Variants in C1QTNF5 observed in about 807,000 individuals in gnomAD.
The protein encoded by C1QTNF5 is C1q and TNF related 5, also known as complement C1q tumor necrosis factor-related protein 5.
C1QTNF5 carries 5 observed loss-of-function variants against 10.9 expected under a neutral mutation model. That is an observed-to-expected ratio of 0.46 (90% CI 0.24 to 0.97). The LOEUF (loss-of-function observed/expected upper bound fraction) is 0.97, where lower values mean the gene tolerates loss of function less well. Among genes scored for constraint, C1QTNF5 ranks in the 50% least tolerant of loss-of-function variants. The probability of loss-of-function intolerance (pLI) is 0.19; values close to 1 mark genes in which losing one functional copy is unlikely to be tolerated. For missense variants in C1QTNF5, 281 were observed against 339.4 expected, an observed-to-expected ratio of 0.83 and a Z score of 1.35; for synonymous variants, 161 against 156.5, an observed-to-expected ratio of 1.03 and a Z score of -0.22.
chr11:119,346,604 G>A, the C1QTNF5 span: 33 of 1,310,256 alleles, frequency 2.5e-5, no homozygotes, highest in Non-Finnish European at 3.6e-5. Flanking sequence ...CCTGTCAGAG[G>A]GGCAGCCTCT....
At chr11:119,341,284 GGCC>G, upstream of C1QTNF5, 1 of 539,798 alleles carries the variant, frequency 1.9e-6, no homozygotes, top group East Asian at 3.1e-5. Context: ...AAGGGGAAGA[GGCC>G]TGGATGGGAA....
chr11:119,343,834 G>A (rs886047831), upstream of C1QTNF5: 2 of 1,613,912 alleles, frequency 1.2e-6, no homozygotes, highest in South Asian at 1.1e-5. Flanking sequence ...GAGGCTGAAG[G>A]CCCCTGAGCT....
chr11:119,346,478 C>T, the C1QTNF5 span: 2 of 1,614,140 alleles, frequency 1.2e-6, no homozygotes, highest in Non-Finnish European at 1.7e-6. Context: ...ATTCTGTTGC[C>T]TCCATGCAGA....
In C1QTNF5 at chr11:119,339,773, T is replaced by G. The variant is rs1255593450; in HGVS notation, c.290A>C (p.Glu97Ala). ...GGCGGATCGCGGAGGCACCGAGCAC[T>G]CCCCGGCAGGCCCGGTGGGCCCCGC... The part of the protein sequence containing the change: ...GPAGPTGPAG[E>A]CSVPPRSAFS... The change falls in exon 3 of 3, where the codon GAG becomes GCG. Residue 97 changes from glutamate to alanine, a missense_variant. Coordinates refer to ENST00000528368, the MANE Select transcript of C1QTNF5 (RefSeq NM_001278431.2). The surrounding 1 kb of genome is among the most constrained non-coding windows in gnomAD (Gnocchi z 5.4). The G allele has an allele frequency of 6.4e-7, 1 of 1,558,594 alleles. No homozygotes were observed. Among genetic ancestry groups the G allele is most frequent in the East Asian group, 2.3e-5 (1 of 42,692 alleles).
chr11:119,344,969 G>A (rs769054629), upstream of C1QTNF5: 9 of 1,608,454 alleles, frequency 5.6e-6, no homozygotes, highest in Non-Finnish European at 7.6e-6. Context: ...GCTGGCATTG[G>A]TGTTGAGCGT....
chr11:119,341,377 G>A, upstream of C1QTNF5: 1 of 617,374 alleles, frequency 1.6e-6, no homozygotes, highest in Non-Finnish European at 2.8e-6. Flanking sequence ...GGAGCAGGGA[G>A]GGTGGTAGGG....
chr11:119,343,810 C>T (rs1179872820), upstream of C1QTNF5: 2 of 1,613,766 alleles, frequency 1.2e-6, no homozygotes, highest in African/African-American at 2.7e-5. Flanking sequence ...TCCCTGGCTC[C>T]TGTACCTGCC....
At chr11:119,341,956 C>T (rs759477685), upstream of C1QTNF5, 1 of 1,613,918 alleles carries the variant, frequency 6.2e-7, no homozygotes, top group East Asian at 2.2e-5. Flanking sequence ...CGAGGCACAT[C>T]TCCACCTGGA....
chr11:119,340,418 G>T lies in C1QTNF5; in HGVS notation c.-21C>A. 6.5e-7 allele frequency: 1 copy of T among 1,540,662 alleles called. No individual in the cohort carries two copies. Among genetic ancestry groups the T allele is most frequent in the South Asian group, 1.2e-5 (1 of 83,698 alleles). On this transcript the variant is annotated 5_prime_UTR_variant, in exon 2 of 3. Transcript: ENST00000528368. ...CTCATAGCGCTGGCACCGGGAGCCC[G>T]GACGCCGGGGTCCTCTCGCAGTCTG...
At chr11:119,343,969 G>A (rs757114094), upstream of C1QTNF5, 4 of 1,612,138 alleles carry the variant, frequency 2.5e-6, no homozygotes, top group South Asian at 1.1e-5. Flanking sequence ...GCAGAGCTGG[G>A]GGAGGGCATA....
upstream of C1QTNF5, chr11:119,342,453 A>T: frequency 9.6e-7 from 1 of 1,044,320 alleles, no homozygotes; most frequent in Non-Finnish European, 1.4e-6. Flanking sequence ...GGACTCTGTG[A>T]AGTGGTCCCA....
chr11:119,343,768 C>CA (rs754457857), upstream of C1QTNF5: 2 of 1,611,550 alleles, frequency 1.2e-6, no homozygotes, highest in Non-Finnish European at 1.7e-6. Context: ...CCGGGGGTGG[C>CA]AGACAGTGAG....
At chr11:119,342,600 G>T, upstream of C1QTNF5, 1 of 1,613,162 alleles carries the variant, frequency 6.2e-7, no homozygotes, top group South Asian at 1.1e-5. Flanking sequence ...TCTCACCTGG[G>T]GGTGGGAACA....
At chr11:119,343,906 T>C, upstream of C1QTNF5, 2 of 1,613,362 alleles carry the variant, frequency 1.2e-6, no homozygotes, top group Non-Finnish European at 8.5e-7. Flanking sequence ...CAGGCTGAAG[T>C]TGTGGAACTG....
intron 2 of C1QTNF5, 62 bp downstream of exon 2, chr11:119,340,122 C>A: frequency 6.8e-7 from 1 of 1,476,190 alleles, no homozygotes; most frequent in Non-Finnish European, 9.0e-7. Context: ...ACACCGGGAG[C>A]TGGAGCTGCG....
chr11:119,343,057 A>G (rs964941564), upstream of C1QTNF5: 31 of 1,554,744 alleles, frequency 2.0e-5, no homozygotes, highest in Admixed American at 4.0e-4. Context: ...CTGAGGGGGC[A>G]CTGCAGCCTC....
chr11:119,344,285 C>T (rs758115105), upstream of C1QTNF5: 18 of 1,606,118 alleles, frequency 1.1e-5, no homozygotes, highest in South Asian at 1.9e-4. Flanking sequence ...GTGTGTGCCC[C>T]TCCCGTTCTG....
rs371634525 is a variant in C1QTNF5, at chr11:119,339,496, G to A, written c.567C>T (p.Ala189=). ...TCACCATGGCCCCCCCCGAGAGCGA[G>A]GCTGGCTTGGGCCACCCCCCGAAAA... The part of the protein sequence containing the change: ...FQFFGGWPKP[A]SLSGGAMVRL... The change falls in exon 3 of 3, where the codon GCC becomes GCT. Residue 189 remains alanine, a synonymous_variant. Transcript: ENST00000528368. The surrounding 1 kb of genome is among the most constrained non-coding windows in gnomAD (Gnocchi z 5.4). The A allele has an allele frequency of 1.2e-5, 19 of 1,613,824 alleles. No homozygotes were observed. In the East Asian group the frequency reaches 1.3e-4, roughly 11 times the overall value.
At chr11:119,346,127 G>C in the C1QTNF5 span, 16 of 1,603,112 alleles carry the variant, frequency 1.0e-5, no homozygotes, top group Non-Finnish European at 1.4e-5. Context: ...CAGGAGAAGC[G>C]GCAGTCTGGC....
Sources: allele counts gnomAD v4.1 joint callset, GRCh38; gene constraint gnomAD v4.1.1; non-coding constraint Gnocchi (gnomAD v3.1); transcripts MANE v1.5; gene names NCBI Gene and HGNC (gene_info 2026-07-23, HGNC 2026-07-21).